The following SCAF4 variants were observed in gnomAD, a reference collection of about 807,000 sequenced individuals.
SCAF4 encodes the protein SR-related CTD associated factor 4.
SCAF4 carries 25 observed loss-of-function variants against 129.8 expected under a neutral mutation model. The ratio of observed to expected loss-of-function variants is 0.19; its 90% confidence interval spans 0.14 to 0.27. The LOEUF (loss-of-function observed/expected upper bound fraction) is 0.27, where lower values mean the gene tolerates loss of function less well. Ranked by LOEUF, SCAF4 falls within the 10% of genes least tolerant of loss-of-function variation. The probability of loss-of-function intolerance (pLI) is 1.00; values close to 1 mark genes in which losing one functional copy is unlikely to be tolerated. For synonymous variants in SCAF4, 551 were observed against 497.7 expected, an observed-to-expected ratio of 1.11 and a Z score of -1.43; for missense variants, 1,246 against 1,457.1, an observed-to-expected ratio of 0.86 and a Z score of 2.36.
intron 1 of SCAF4, among the ~76,000 whole-genome samples, chr21:31,723,627 TGTGCGCGC>T (rs888630784): frequency 1.5e-4 from 21 of 142,680 alleles, no homozygotes; most frequent in Admixed American, 7.8e-4. Context: ...TGTGTGTGTG[TGTGCGCGC>T]GCGCGCGCGC....
At chr21:31,691,672 TAAA>T (rs5843527) in intron 14 of SCAF4, 142 bp downstream of exon 14, 571 of 279,930 alleles carry the variant, frequency 2.0e-3, no homozygotes, top group Middle Eastern at 3.0e-3. Context: ...AAATATTCTT[TAAA>T]AAAAAAAAAA....
intron 1 of SCAF4, among the ~76,000 whole-genome samples, chr21:31,720,814 T>C (rs938008992): frequency 6.6e-6 from 1 of 152,162 alleles, no homozygotes; most frequent in Non-Finnish European, 1.5e-5. Flanking sequence ...AAATAGTACG[T>C]CAAAACTAAA....
Position 31,722,245 on chromosome 21 carries a change from G to T in SCAF4, c.30+9418C>A, listed in dbSNP as rs1298369291. Among the ~76,000 whole-genome samples, 12 of 152,122 alleles carry T rather than the reference G, an allele frequency of 7.9e-5. 1 individual carries two copies. Among genetic ancestry groups the T allele is most frequent in the Admixed American group, 7.9e-4 (12 of 15,270 alleles). Reference sequence around the variant, plus strand: ...GTTATACAGTCAGTTCCCAACACATGCAGATTTGATATACCTGTTCATTTG... The same window carrying T: ...GTTATACAGTCAGTTCCCAACACATTCAGATTTGATATACCTGTTCATTTG... On this transcript the variant is annotated intron_variant, in intron 1 of 19. Transcript: ENST00000286835.
intron 19 of SCAF4, among the ~76,000 whole-genome samples, chr21:31,673,492 C>G (rs1303360308): frequency 7.6e-6 from 1 of 132,400 alleles, no homozygotes; most frequent in African/African-American, 3.2e-5. Flanking sequence ...CTGATTACCA[C>G]AGCAAAAGCG....
intron 19 of SCAF4, among the ~76,000 whole-genome samples, chr21:31,679,509 T>C (rs1233771324): frequency 6.6e-6 from 1 of 152,196 alleles, no homozygotes; most frequent in East Asian, 1.9e-4. Flanking sequence ...CACTATGTTC[T>C]GAGAGCTGCG....
rs896056492 is a variant in SCAF4 at position 31,671,124 on chromosome 21, AAT to A, written c.*273_*274del. 12 of 297,402 alleles carry A rather than the reference AAT, an allele frequency of 4.0e-5. No homozygotes were observed. The highest frequency in any genetic ancestry group is 2.3e-4 in the East Asian group (4 of 17,032). 18.4% of individuals were successfully genotyped at this position (297,402 alleles called of 1,614,324 possible). A position where few individuals can be genotyped will look rare whatever the true frequency, so the allele number is the denominator to read the frequency against. ...GTCTTAAATTAAAAAAAAAAAAAAA[AAT>A]AGAGAGCACTTCTAATTACGATTTG... On this transcript the variant is annotated 3_prime_UTR_variant, in exon 20 of 20. Transcript: ENST00000286835.
chr21:31,718,880 T>G (rs1457846819), intron 1 of SCAF4, among the ~76,000 whole-genome samples: 1 of 152,200 alleles, frequency 6.6e-6, no homozygotes, highest in Non-Finnish European at 1.5e-5. Flanking sequence ...GTTCCGGAAT[T>G]TAAAGAAATG....
chr21:31,691,083 G>T, intron 14 of SCAF4, 130 bp from the exon 15 acceptor site: 1 of 629,226 alleles, frequency 1.6e-6, no homozygotes. Flanking sequence ...GCTAGGCTTG[G>T]ATCTCATTCA....
chr21:31,701,854 G>A lies in SCAF4; in HGVS notation c.522C>T (p.Val174=). 6.2e-7 allele frequency: 1 copy of A among 1,614,108 alleles called. No homozygotes were observed. The highest frequency in any genetic ancestry group is 8.5e-7 in the Non-Finnish European group (1 of 1,179,998). Residue 174 remains valine (V), a synonymous_variant, in exon 6 of 20, where the codon GTC becomes GTT. Transcript: ENST00000286835. ...EPPTQATPNS[V]PAVPQLPSSD... is the part of the protein sequence containing the mutation. ...AGCTGGGCAACTGTGGTACAGCTGG[G>A]ACGGAGTTTGGAGTGGCTTGTGTGG...
In SCAF4 at chr21:31,671,707, A is replaced by C; in HGVS notation, c.3136T>G (p.Leu1046Val). Residue 1046 changes from leucine to valine, a missense_variant, in exon 20 of 20, where the codon TTG becomes GTG. Physicochemically the swap from Leu to Val is conservative, Grantham distance 32. Transcript: ENST00000286835. ...CTAGAGCGTCTATTTCTCTCTTCCA[A>C]GTCTCTGTGCCTGTCCCGGTCAGGG... ...RSPDRDRHRD[L>V]EERNRRSSGH... The C allele has an allele frequency of 6.2e-7, 1 of 1,613,660 alleles. No individual in the cohort carries two copies. Among genetic ancestry groups the C allele is most frequent in the Non-Finnish European group, 8.5e-7 (1 of 1,179,866 alleles).
rs11408552 is a variant in SCAF4, at chr21:31,712,222, C to CTTTTTTTTTTTTTTTT, written c.31-5866_31-5865insAAAAAAAAAAAAAAAA. 7.4e-5 allele frequency among the ~76,000 whole-genome samples: 10 copies of CTTTTTTTTTTTTTTTT among 135,420 alleles called. 1 individual carries two copies. Among genetic ancestry groups the CTTTTTTTTTTTTTTTT allele is most frequent in the African/African-American group, 2.2e-4 (8 of 35,796 alleles). The allele number at this position is 135,420 out of a possible 152,430, so 88.8% of individuals were successfully genotyped here. A position where few individuals can be genotyped will look rare whatever the true frequency, so the allele number is the denominator to read the frequency against. On this transcript the variant is annotated intron_variant, in intron 1 of 19. Coordinates refer to ENST00000286835, the MANE Select transcript of SCAF4 (RefSeq NM_020706.2). Reference sequence around the variant, plus strand: ...GTTTGATTCTCCCATTTGTTTGTTGCTTTTTTTTTTTTTTTGAGACAGTCT... The same window carrying CTTTTTTTTTTTTTTTT: ...GTTTGATTCTCCCATTTGTTTGTTGCTTTTTTTTTTTTTTTTTTTTTTTTTTTTTTTGAGACAGTCT...
At chr21:31,723,257 G>A (rs747743937) in intron 1 of SCAF4, among the ~76,000 whole-genome samples, 1 of 152,130 alleles carries the variant, frequency 6.6e-6, no homozygotes, top group Non-Finnish European at 1.5e-5. Context: ...ATAGTGGCCA[G>A]CCTGGCCAAC....
At chr21:31,710,029 T>C (rs9636854) in intron 1 of SCAF4, among the ~76,000 whole-genome samples, 17,781 of 151,276 alleles carry the variant, frequency 0.12, 1,749 homozygotes, top group East Asian at 0.52. Flanking sequence ...AAAAGGAATA[T>C]AGGGGGAAAA....
chr21:31,692,800 C>T (rs914971629), intron 12 of SCAF4, among the ~76,000 whole-genome samples: 2 of 152,144 alleles, frequency 1.3e-5, no homozygotes. Flanking sequence ...TCTTGATTAC[C>T]AACCAGCTCA....
chr21:31,672,199 G>A lies in SCAF4; in HGVS notation c.2644C>T (p.Pro882Ser). ...GGGCCTCTGTGCATCATGTGCGGTG[G>A]CATGGGACGGGGCGGCATCAAAGGG... ...RFPLMPPRPM[P>S]PHMMHRGPPP... The change falls in exon 20 of 20, where the codon CCA becomes TCA. Residue 882 changes from proline (P) to serine (S), a missense_variant. Pro to Ser is a moderately conservative substitution (Grantham distance 74). Around this residue, in one of 6 missense-constraint regions of SCAF4, gnomAD observed 468 missense variants for 605.5 expected, o/e 0.77. Transcript: ENST00000286835. The A allele has an allele frequency of 6.2e-7, 1 of 1,606,440 alleles. No homozygotes were observed. Among genetic ancestry groups the A allele is most frequent in the Non-Finnish European group, 8.5e-7 (1 of 1,175,558 alleles).
intron 1 of SCAF4, among the ~76,000 whole-genome samples, chr21:31,711,668 A>G (rs955110449): frequency 6.6e-6 from 1 of 152,214 alleles, no homozygotes; most frequent in East Asian, 1.9e-4. Context: ...TATTTCAAAT[A>G]TATTAGCCCA....
At chr21:31,691,172 T>G (rs1327972856) in intron 14 of SCAF4, among the ~76,000 whole-genome samples, 1 of 152,080 alleles carries the variant, frequency 6.6e-6, no homozygotes, top group African/African-American at 2.4e-5. Flanking sequence ...TGGCATCTTC[T>G]CCTTACCAAC....
Position 31,671,872 on chromosome 21 carries a change from A to ACTG in SCAF4, c.2968_2970dup (p.Gln990dup), listed in dbSNP as rs767233292. On this transcript the variant is annotated inframe_insertion, in exon 20 of 20. Transcript: ENST00000286835. ...CTTTCTTGGTCTCTACCTGAATTGA[A>ACTG]CTGCTGCCTGTTATCATTTCTAAAC... 2.5e-6 allele frequency: 4 copies of ACTG among 1,614,054 alleles called. No homozygotes were observed. In the South Asian group the frequency reaches 4.4e-5, roughly 18 times the overall value.
At chr21:31,698,402 T>C (rs905128358) in intron 7 of SCAF4, among the ~76,000 whole-genome samples, 2 of 152,188 alleles carry the variant, frequency 1.3e-5, no homozygotes, top group South Asian at 4.1e-4. Flanking sequence ...CTCACCATCA[T>C]GGCTTTTCCT....
Sources: allele counts gnomAD v4.1 joint callset (sites outside exome capture counted in the v4.1 genomes callset), GRCh38; gene constraint gnomAD v4.1.1; regional missense constraint gnomAD v4.1.1; transcripts MANE v1.5; gene names NCBI Gene and HGNC (gene_info 2026-07-23, HGNC 2026-07-21).